Variants in PTPRG observed in about 807,000 individuals in gnomAD.
PTPRG encodes protein tyrosine phosphatase receptor type G.
Under a neutral mutation model 165.3 loss-of-function variants are expected in PTPRG, and 102 were observed. The ratio of observed to expected loss-of-function variants is 0.62; its 90% CI spans 0.53 to 0.73. The LOEUF (loss-of-function observed/expected upper bound fraction) is 0.73. Ranked by LOEUF, PTPRG falls within the 30% of genes least tolerant of loss-of-function variation. PTPRG has a pLI of 0.00. For synonymous variants in PTPRG, 675 were observed against 669.5 expected (o/e 1.01, Z -0.13); for missense variants, 1,866 against 1,861.4 (o/e 1.00, Z -0.05).
At chr3:61,972,345 C>T (rs2040403580) in intron 2 of PTPRG, among the ~76,000 whole-genome samples, 1 of 152,092 alleles carries the variant, frequency 6.6e-6, no homozygotes, top group Admixed American at 6.5e-5. Flanking sequence ...TGTGTAGGGC[C>T]TTATAGATGA....
intron 2 of PTPRG, among the ~76,000 whole-genome samples, chr3:61,962,269 G>A (rs1161596301): frequency 6.6e-6 from 1 of 152,208 alleles, no homozygotes; most frequent in Non-Finnish European, 1.5e-5. Context: ...TAAAAGGAAT[G>A]TGTTAATTTT....
In PTPRG at chr3:62,088,028, G is replaced by A. The variant is rs1701806947; in HGVS notation, c.615+9770G>A. 2.0e-5 allele frequency among the ~76,000 whole-genome samples: 3 copies of A among 152,344 alleles called. No homozygotes were observed. The South Asian group carries it at 6.2e-4, about 32-fold the overall frequency. On this transcript the variant is annotated intron_variant, in intron 5 of 29. Transcript: ENST00000474889. ...TGCTGTGGTTATGTAAGCATAGTGTGAGTGAATGGGGTAAAGATTTGAACT... is the reference window on the plus strand; with the variant it reads ...TGCTGTGGTTATGTAAGCATAGTGTAAGTGAATGGGGTAAAGATTTGAACT...
At chr3:62,196,259 G>T (rs1020004078) in intron 10 of PTPRG, among the ~76,000 whole-genome samples, 4 of 151,780 alleles carry the variant, frequency 2.6e-5, no homozygotes, top group Non-Finnish European at 5.9e-5. Flanking sequence ...TGGGCTTGGT[G>T]GTGCGTGCCT....
intron 6 of PTPRG, among the ~76,000 whole-genome samples, chr3:62,153,649 CAAT>C (rs1188121278): frequency 1.1e-4 from 16 of 152,252 alleles, no homozygotes; most frequent in South Asian, 8.3e-4. Context: ...AAAGTAACAA[CAAT>C]GAGAGTAAGA....
At chr3:61,612,412 G>T (rs191614529) in intron 1 of PTPRG, among the ~76,000 whole-genome samples, 1 of 152,268 alleles carries the variant, frequency 6.6e-6, no homozygotes, top group African/African-American at 2.4e-5. Context: ...GATGACCTTT[G>T]CCTAAAGTGA....
intron 1 of PTPRG, among the ~76,000 whole-genome samples, chr3:61,589,789 A>C (rs772749004): frequency 1.3e-5 from 2 of 151,872 alleles, no homozygotes; most frequent in Admixed American, 6.6e-5. Context: ...GGGTGGATGG[A>C]TAGGTGGATA....
intron 4 of PTPRG, among the ~76,000 whole-genome samples, chr3:62,032,686 A>G (rs1699809110): frequency 6.6e-6 from 1 of 152,218 alleles, no homozygotes; most frequent in South Asian, 2.1e-4. Context: ...TTTCACCTAT[A>G]TCTCATTCAA....
At chr3:61,812,220 T>C (rs993332355) in intron 2 of PTPRG, among the ~76,000 whole-genome samples, 1 of 152,178 alleles carries the variant, frequency 6.6e-6, no homozygotes. Flanking sequence ...TGTGTGTGTG[T>C]GTGAAAACGA....
intron 2 of PTPRG, among the ~76,000 whole-genome samples, chr3:61,840,230 C>G (rs2036584174): frequency 6.6e-6 from 1 of 151,986 alleles, no homozygotes; most frequent in Non-Finnish European, 1.5e-5. Flanking sequence ...ACTTAGGTTG[C>G]TTTTAGTTTT....
intron 2 of PTPRG, among the ~76,000 whole-genome samples, chr3:61,867,681 C>T (rs1416233186): frequency 2.6e-5 from 4 of 152,140 alleles, no homozygotes; most frequent in Admixed American, 6.5e-5. Context: ...TACCTCTTTT[C>T]CATCTCTGCA....
At chr3:61,674,244 A>G (rs527243759) in intron 1 of PTPRG, among the ~76,000 whole-genome samples, 94 of 152,032 alleles carry the variant, frequency 6.2e-4, no homozygotes, top group African/African-American at 2.2e-3. Flanking sequence ...TCAGAGATGG[A>G]CATGTTAATG....
chr3:62,073,565 G>T (rs771015136), intron 4 of PTPRG, among the ~76,000 whole-genome samples: 1 of 151,794 alleles, frequency 6.6e-6, no homozygotes. Context: ...CACAACCTCC[G>T]TCTCCCAGGT....
chr3:62,041,414 A>G (rs939812141), intron 4 of PTPRG, among the ~76,000 whole-genome samples: 1 of 152,220 alleles, frequency 6.6e-6, no homozygotes, highest in Non-Finnish European at 1.5e-5. Flanking sequence ...GATACCATCC[A>G]AGAATTCTAG....
intron 2 of PTPRG, among the ~76,000 whole-genome samples, chr3:61,914,986 T>G (rs945594353): frequency 1.3e-5 from 2 of 152,254 alleles, no homozygotes; most frequent in African/African-American, 2.4e-5. Flanking sequence ...ATCCCAGCAC[T>G]TTGGGAGGCC....
At chr3:61,609,418 C>T (rs1404363928) in intron 1 of PTPRG, among the ~76,000 whole-genome samples, 2 of 152,160 alleles carry the variant, frequency 1.3e-5, no homozygotes, top group African/African-American at 2.4e-5. Flanking sequence ...AAGGGAGCTT[C>T]GCCTTTCAAG....
intron 14 of PTPRG, 92 bp from the exon 15 acceptor site, chr3:62,243,715 A>G: frequency 1.3e-6 from 1 of 790,288 alleles, no homozygotes; most frequent in Admixed American, 2.6e-5. Flanking sequence ...TGATGTTTAA[A>G]GCTGGGAAGA....
chr3:61,740,407 A>T (rs552592787), intron 1 of PTPRG, among the ~76,000 whole-genome samples: 1 of 152,338 alleles, frequency 6.6e-6, no homozygotes, highest in African/African-American at 2.4e-5. Context: ...CTCCATTATA[A>T]ATCAGTTTTA....
chr3:62,154,124 T>TATTTGAGTTG (rs1704447592), intron 6 of PTPRG, among the ~76,000 whole-genome samples: 1 of 152,196 alleles, frequency 6.6e-6, no homozygotes, highest in Non-Finnish European at 1.5e-5. Flanking sequence ...CTACTCGGCT[T>TATTTGAGTTG]CAGCCACCAG....
intron 1 of PTPRG, among the ~76,000 whole-genome samples, chr3:61,592,216 C>T (rs1291128905): frequency 6.6e-6 from 1 of 152,078 alleles, no homozygotes; most frequent in Admixed American, 6.6e-5. Context: ...ATCCGCCTGC[C>T]TCAGCCTCCC....
Sources: allele counts gnomAD v4.1 joint callset (sites outside exome capture counted in the v4.1 genomes callset), GRCh38; gene constraint gnomAD v4.1.1; transcripts MANE v1.5; gene names NCBI Gene and HGNC (gene_info 2026-07-23, HGNC 2026-07-21).